The following SSBP2 variants were observed in gnomAD, a reference collection of about 807,000 sequenced individuals.
SSBP2 encodes single stranded DNA binding protein 2.
In SSBP2, 17 loss-of-function variants were observed where a neutral mutation model predicts 61.8. That is an observed-to-expected ratio of 0.28 (90% confidence interval 0.19 to 0.41). The LOEUF (loss-of-function observed/expected upper bound fraction) is 0.41. Among genes scored for constraint, SSBP2 ranks in the 10% least tolerant of loss-of-function variants. The pLI, the probability that SSBP2 is intolerant of heterozygous loss-of-function variation, is 1.00. For missense variants in SSBP2, 310 were observed against 458.7 expected (o/e 0.68, Z 2.96); for synonymous variants, 139 against 141.3 (o/e 0.98, Z 0.12).
chr5:81,697,243 C>T (rs941100426), intron 1 of SSBP2, among the ~76,000 whole-genome samples: 3 of 152,104 alleles, frequency 2.0e-5, no homozygotes, highest in Non-Finnish European at 4.4e-5. Flanking sequence ...TAAATGCTTT[C>T]GACTTAACCA....
chr5:81,680,864 G>A (rs1301753300), intron 1 of SSBP2, among the ~76,000 whole-genome samples: 2 of 152,172 alleles, frequency 1.3e-5, no homozygotes, highest in Non-Finnish European at 2.9e-5. Context: ...GACGGTTCCA[G>A]CAGGCAGAAA....
chr5:81,747,478 A>C (rs1238922420), intron 1 of SSBP2, among the ~76,000 whole-genome samples: 1 of 152,184 alleles, frequency 6.6e-6, no homozygotes, highest in Non-Finnish European at 1.5e-5. Context: ...CACTGAACAT[A>C]GTGACTGGCA....
intron 3 of SSBP2, among the ~76,000 whole-genome samples, chr5:81,623,041 A>G (rs1044846061): frequency 8.4e-6 from 1 of 118,470 alleles, no homozygotes; most frequent in Non-Finnish European, 1.9e-5. Flanking sequence ...TGGGAATAAT[A>G]AAACCCGTAG....
rs559636417 is a variant in SSBP2, at chr5:81,592,229, G to A, written c.282+23244C>T. ...GAGGGTCCTACGCCCACAGAGTCTC[G>A]CTCATTGCTAGCACAGCAGTCCAAG... On this transcript the variant is annotated intron_variant, in intron 4 of 16. Coordinates refer to ENST00000320672, the MANE Select transcript of SSBP2 (RefSeq NM_012446.5). Among the ~76,000 whole-genome samples, 8 of 152,346 alleles carry A rather than the reference G, an allele frequency of 5.3e-5. No homozygotes were observed. In the East Asian group the frequency reaches 5.8e-4, roughly 11 times the overall value.
At chr5:81,639,516 A>T (rs1748582103) in intron 2 of SSBP2, among the ~76,000 whole-genome samples, 1 of 152,144 alleles carries the variant, frequency 6.6e-6, no homozygotes, top group East Asian at 1.9e-4. Context: ...TTTATATGAG[A>T]AGGTGACAAA....
At chr5:81,557,749 T>C (rs1337627005) in intron 4 of SSBP2, among the ~76,000 whole-genome samples, 2 of 152,200 alleles carry the variant, frequency 1.3e-5, no homozygotes, top group Admixed American at 6.5e-5. Context: ...TTTTTGAATA[T>C]ATGGAACATT....
At position 81,544,296 on chromosome 5, in the gene SSBP2, C is replaced by G. The variant is rs544526796; in HGVS notation, c.283-30579G>C. Among the ~76,000 whole-genome samples, 6 of 152,150 alleles carry G rather than the reference C, an allele frequency of 3.9e-5. No homozygotes were observed. In the South Asian group the frequency reaches 6.2e-4, roughly 16 times the overall value. The stretch of plus-strand genomic sequence containing the variant: ...ACTCCTGACCTCGTGATCCGCCCCC[C>G]TCAGCCACCCAAGGTGCTTGGATTA... On this transcript the variant is annotated intron_variant, in intron 4 of 16. Coordinates refer to ENST00000320672, the MANE Select transcript of SSBP2 (RefSeq NM_012446.5).
chr5:81,605,818 T>C (rs1462424349), intron 4 of SSBP2, among the ~76,000 whole-genome samples: 4 of 152,170 alleles, frequency 2.6e-5, no homozygotes, highest in African/African-American at 9.6e-5. Context: ...GAGCTTGTTT[T>C]TTCCCCTGAA....
chr5:81,502,365 G>A (rs894692165), intron 5 of SSBP2, among the ~76,000 whole-genome samples: 2 of 152,058 alleles, frequency 1.3e-5, no homozygotes, highest in East Asian at 3.9e-4. Context: ...TGCTCTTTTT[G>A]GCTGGTTCCT....
intron 10 of SSBP2, among the ~76,000 whole-genome samples, chr5:81,460,369 T>G (rs1313435476): frequency 1.3e-5 from 2 of 152,110 alleles, no homozygotes; most frequent in African/African-American, 4.8e-5. Context: ...GAACTCAAGG[T>G]TTCAAAGACA....
chr5:81,553,095 A>G (rs1772330786), intron 4 of SSBP2, among the ~76,000 whole-genome samples: 1 of 152,082 alleles, frequency 6.6e-6, no homozygotes, highest in African/African-American at 2.4e-5. Context: ...ACAATTGTCC[A>G]TTGTCCATGA....
In SSBP2 at chr5:81,420,410, G is replaced by A. The variant is rs1357687786; in HGVS notation, c.*94C>T. On this transcript the variant is annotated 3_prime_UTR_variant, in exon 17 of 17. Transcript: ENST00000320672. ...GGTTTGGTGTGACTGAGATTCCTTT[G>A]TTTAACTGTACACTGTGATGAATAA... is the stretch of plus-strand genomic sequence containing the variant. The A allele has an allele frequency of 1.4e-5, 17 of 1,247,834 alleles. No homozygotes were observed. The highest frequency in any genetic ancestry group is 2.0e-5 in the Non-Finnish European group (17 of 854,876). The allele number at this position is 1,247,834 out of a possible 1,614,324, so 77.3% of individuals were successfully genotyped here.
chr5:81,419,463 G>A lies in SSBP2; in HGVS notation c.*1041C>T, dbSNP rs557040055. On this transcript the variant is annotated 3_prime_UTR_variant, in exon 17 of 17. Transcript: ENST00000320672. ...TTATTTCTAGTGTCTATAAGAATAT[G>A]CTCACAAAAAGTCTGAATAAAAACC... 6.6e-6 allele frequency: 1 copy of A among 152,280 alleles called. No individual in the cohort carries two copies. The highest frequency in any genetic ancestry group is 2.1e-4 in the South Asian group (1 of 4,822). The allele number at this position is 152,280 out of a possible 1,614,324, so 9.4% of individuals were successfully genotyped here.
chr5:81,469,202 C>T (rs543942863), intron 8 of SSBP2, among the ~76,000 whole-genome samples: 1 of 151,992 alleles, frequency 6.6e-6, no homozygotes, highest in Admixed American at 6.6e-5. Flanking sequence ...TGTGTGTGAT[C>T]TTGGGCAAAT....
chr5:81,651,721 T>C (rs566148614), intron 1 of SSBP2, among the ~76,000 whole-genome samples: 48 of 152,152 alleles, frequency 3.2e-4, no homozygotes, highest in African/African-American at 9.9e-4. Flanking sequence ...CCAAAGTACA[T>C]CATAAGGGAT....
intron 5 of SSBP2, among the ~76,000 whole-genome samples, chr5:81,511,056 C>T (rs1768566292): frequency 6.6e-6 from 1 of 152,160 alleles, no homozygotes; most frequent in Non-Finnish European, 1.5e-5. Flanking sequence ...CTCTCTCTCT[C>T]TCCTTTTCCC....
intron 13 of SSBP2, among the ~76,000 whole-genome samples, chr5:81,442,018 G>T (rs1289755850): frequency 3.3e-5 from 5 of 151,982 alleles, no homozygotes; most frequent in African/African-American, 1.2e-4. Context: ...TATATCTTCT[G>T]ATTTTTCTTT....
chr5:81,711,693 T>TA (rs71000855), intron 1 of SSBP2, among the ~76,000 whole-genome samples: 66,275 of 148,674 alleles, frequency 0.45, 15,295 homozygotes, highest in Admixed American at 0.53. Flanking sequence ...CTCTACATGA[T>TA]AAAAAAAAAA....
chr5:81,534,756 C>T (rs1770686890), intron 4 of SSBP2, among the ~76,000 whole-genome samples: 1 of 151,802 alleles, frequency 6.6e-6, no homozygotes, highest in Non-Finnish European at 1.5e-5. Context: ...GGAGATACAA[C>T]AAGAATAAAG....
Sources: gnomAD v4.1 joint callset for allele counts (sites outside exome capture counted in the v4.1 genomes callset) on GRCh38, gnomAD v4.1.1 for gene constraint, MANE v1.5 for transcripts, NCBI Gene and HGNC (gene_info 2026-07-23, HGNC 2026-07-21) for gene names.